The following CHM variants were observed in gnomAD, a reference collection of about 807,000 sequenced individuals.
CHM encodes the protein rab proteins geranylgeranyltransferase component A 1.
A neutral mutation model predicts 49.0 loss-of-function variants in CHM; 10 were observed. That is an observed-to-expected ratio of 0.20 (90% confidence interval 0.13 to 0.35). CHM has a LOEUF of 0.35. CHM is among the 10% of genes least tolerant of loss of function. CHM has a pLI of 1.00. For missense variants in CHM, 455 were observed against 478.4 expected, an observed-to-expected ratio of 0.95 and a Z score of 0.46; for synonymous variants, 184 against 167.5, an observed-to-expected ratio of 1.10 and a Z score of -0.76.
intron 8 of CHM, among the ~76,000 whole-genome samples, chrX:85,942,058 G>GAT (rs1297684428): frequency 9.0e-6 from 1 of 111,430 alleles, no homozygotes; most frequent in Non-Finnish European, 1.9e-5. Flanking sequence ...TTTGCCCAAT[G>GAT]ATACACAGTT....
intron 8 of CHM, among the ~76,000 whole-genome samples, chrX:85,936,048 T>G (rs1928763212): frequency 5.3e-5 from 6 of 112,260 alleles, no homozygotes. Context: ...GGCAATTAAC[T>G]GTGTATGAGT....
At chrX:86,047,121 A>G (rs1362858232) in intron 1 of CHM, 1 of 290,596 alleles carries the variant, frequency 3.4e-6, no homozygotes, top group Non-Finnish European at 6.2e-6. Flanking sequence ...CTTGAAATCA[A>G]TAAGGAAGGA....
chrX:85,922,303 A>G (rs1057129876), intron 8 of CHM, among the ~76,000 whole-genome samples: 2 of 112,761 alleles, frequency 1.8e-5, no homozygotes, highest in African/African-American at 6.4e-5. Flanking sequence ...ACTTATGCTA[A>G]CATTCCCCCC....
intron 8 of CHM, among the ~76,000 whole-genome samples, chrX:85,912,274 T>A (rs189990691): frequency 1.8e-5 from 2 of 111,210 alleles, no homozygotes; most frequent in East Asian, 5.7e-4. Flanking sequence ...GGGGAAGCAA[T>A]GGCTAAAGCT....
chrX:86,001,301 C>T (rs1932707890), intron 2 of CHM, among the ~76,000 whole-genome samples: 1 of 109,575 alleles, frequency 9.1e-6, no homozygotes, highest in African/African-American at 3.3e-5. Flanking sequence ...TCAGGAACAG[C>T]TTAATATGCA....
rs143295722 is a variant in CHM at position 85,971,234 on chromosome X, G to A, written c.315-7182C>T. On this transcript the variant is annotated intron_variant, in intron 4 of 14. Coordinates refer to ENST00000357749, the MANE Select transcript of CHM (RefSeq NM_000390.4). ...CGCCTAGTCCTCCTTGCAATCAAAT[G>A]TAAAATATTAGAATGCTATCGGTGT... 477 of 753,691 alleles carry A rather than the reference G, an allele frequency of 6.3e-4. 1 individual carries two copies. In the African/African-American group the frequency reaches 0.01, roughly 16 times the overall value. The allele number at this position is 753,691 out of a possible 1,213,427, so 62.1% of individuals were successfully genotyped here. A position where few individuals can be genotyped will look rare whatever the true frequency, so the allele number is the denominator to read the frequency against.
intron 1 of CHM, among the ~76,000 whole-genome samples, chrX:86,038,888 C>T (rs1934345929): frequency 8.9e-6 from 1 of 112,443 alleles, no homozygotes; most frequent in Admixed American, 9.4e-5. Context: ...CTGCCAACCA[C>T]AAACCCAGGT....
At chrX:85,882,638 A>G (rs987156513) in intron 12 of CHM, among the ~76,000 whole-genome samples, 1 of 112,002 alleles carries the variant, frequency 8.9e-6, no homozygotes, top group Admixed American at 9.5e-5. Context: ...TTGGCATTAA[A>G]GAAATCTTAG....
At chrX:85,957,454 A>C (rs1930061817) in intron 7 of CHM, among the ~76,000 whole-genome samples, 1 of 111,197 alleles carries the variant, frequency 9.0e-6, no homozygotes. Context: ...AAAATGATAA[A>C]ATATATAGTA....
intron 8 of CHM, among the ~76,000 whole-genome samples, chrX:85,912,905 C>T (rs935017684): frequency 3.8e-5 from 4 of 105,227 alleles, no homozygotes; most frequent in Non-Finnish European, 7.8e-5. Context: ...CCCAGCTACA[C>T]GGGAGGCTGA....
chrX:86,026,757 T>C (rs1933841786), intron 2 of CHM, among the ~76,000 whole-genome samples: 1 of 112,080 alleles, frequency 8.9e-6, no homozygotes, highest in Non-Finnish European at 1.9e-5. Context: ...TTTTTTATAT[T>C]GTAGCATTCT....
At chrX:85,970,254 T>A in intron 4 of CHM, 1 of 750,608 alleles carries the variant, frequency 1.3e-6, no homozygotes, top group Non-Finnish European at 1.6e-6. Context: ...TATAAACTGG[T>A]CTCAACAACT....
intron 1 of CHM, among the ~76,000 whole-genome samples, chrX:86,036,007 A>G (rs1201162930): frequency 9.1e-6 from 1 of 109,906 alleles, no homozygotes; most frequent in Non-Finnish European, 1.9e-5. Flanking sequence ...GTTAACCAGG[A>G]TGGCCTGGAT....
At chrX:85,886,578 T>G (rs1421389804) in intron 12 of CHM, among the ~76,000 whole-genome samples, 1 of 111,451 alleles carries the variant, frequency 9.0e-6, no homozygotes, top group Non-Finnish European at 1.9e-5. Flanking sequence ...TTTTTCTTTT[T>G]TCTGACTTGA....
intron 8 of CHM, among the ~76,000 whole-genome samples, chrX:85,917,066 G>T (rs896608502): frequency 8.9e-6 from 1 of 112,380 alleles, no homozygotes; most frequent in African/African-American, 3.2e-5. Flanking sequence ...ATGACAGAAT[G>T]GATAAAGAAA....
intron 8 of CHM, among the ~76,000 whole-genome samples, chrX:85,944,605 A>G (rs746588280): frequency 3.4e-4 from 38 of 111,751 alleles, no homozygotes; most frequent in Admixed American, 1.5e-3. Flanking sequence ...CCTTCTCTAA[A>G]TCTCTTTTTA....
intron 11 of CHM, 123 bp downstream of exon 11, chrX:85,900,523 A>T: frequency 2.0e-6 from 1 of 501,820 alleles, no homozygotes; most frequent in Non-Finnish European, 3.5e-6. Context: ...CCACAAAAAA[A>T]GGTAACTATG....
In CHM at chrX:86,014,503, A is replaced by G. The variant is rs758146288; in HGVS notation, c.116+12988T>C. 5.3e-5 allele frequency among the ~76,000 whole-genome samples: 6 copies of G among 112,707 alleles called. No homozygotes were observed. In the East Asian group the frequency reaches 1.4e-3, roughly 26 times the overall value. On this transcript the variant is annotated intron_variant, in intron 2 of 14. Coordinates refer to ENST00000357749, the MANE Select transcript of CHM (RefSeq NM_000390.4). ...AAAGAAGCCAGAGGACAAAGTGCTG[A>G]TGGAAAACACTATGAATTACAGAAC...
At chrX:86,004,827 C>A (rs1932819179) in intron 2 of CHM, among the ~76,000 whole-genome samples, 1 of 111,532 alleles carries the variant, frequency 9.0e-6, no homozygotes, top group Non-Finnish European at 1.9e-5. Flanking sequence ...GACTTTAACA[C>A]CCCACTGTCA....
Sources: allele counts gnomAD v4.1 joint callset (sites outside exome capture counted in the v4.1 genomes callset), GRCh38; gene constraint gnomAD v4.1.1; transcripts MANE v1.5; gene names NCBI Gene and HGNC (gene_info 2026-07-23, HGNC 2026-07-21).